The following FOXP1 variants were observed in gnomAD, a reference collection of about 807,000 sequenced individuals.
The protein encoded by FOXP1 is forkhead box protein P1.
In FOXP1, 15 loss-of-function variants were observed where a neutral mutation model predicts 98.2. The observed-to-expected ratio is 0.15, with a 90% CI of 0.10 to 0.24. The LOEUF (loss-of-function observed/expected upper bound fraction) is 0.24. Among genes scored for constraint, FOXP1 ranks in the 10% least tolerant of loss-of-function variants. FOXP1 has a pLI of 1.00. For missense variants in FOXP1, 633 were observed against 848.5 expected, an observed-to-expected ratio of 0.75 and a Z score of 3.15; for synonymous variants, 371 against 314.5, an observed-to-expected ratio of 1.18 and a Z score of -1.90.
intron 12 of FOXP1, among the ~76,000 whole-genome samples, chr3:71,012,284 G>A (rs961130988): frequency 6.6e-6 from 1 of 152,096 alleles, no homozygotes; most frequent in African/African-American, 2.4e-5. Flanking sequence ...AAGTGGCTCT[G>A]CCAAGTTCTT....
intron 5 of FOXP1, among the ~76,000 whole-genome samples, chr3:71,281,221 C>G (rs1282422850): frequency 2.8e-5 from 4 of 143,264 alleles, no homozygotes; most frequent in Non-Finnish European, 4.5e-5. Flanking sequence ...CAGTCAGACC[C>G]CATCTCAAGA....
intron 3 of FOXP1, among the ~76,000 whole-genome samples, chr3:71,472,634 G>T (rs1577700342): frequency 6.6e-6 from 1 of 152,022 alleles, no homozygotes; most frequent in Non-Finnish European, 1.5e-5. Flanking sequence ...GGAAACCCCA[G>T]TCCAGAAAAC....
In FOXP1 at chr3:71,198,168, C is replaced by CGAG. The variant is rs780784940; in HGVS notation, c.180+33_180+34insCTC. The CGAG allele has an allele frequency of 1.9e-6, 3 of 1,613,852 alleles. No individual in the cohort carries two copies. In the African/African-American group the frequency reaches 4.0e-5, roughly 22 times the overall value. On this transcript the variant is annotated intron_variant, in intron 6 of 20. Transcript: ENST00000649528. ...ATTCAGCAGTAAAATTCGCACCCAC[C>CGAG]ACCTCCACCTCCCAAGACTCCAAAG...
At chr3:71,562,632 T>C (rs1340057526) in intron 2 of FOXP1, among the ~76,000 whole-genome samples, 1 of 152,146 alleles carries the variant, frequency 6.6e-6, no homozygotes, top group African/African-American at 2.4e-5. Flanking sequence ...CAGGTACCTA[T>C]TATCAACAAC....
At chr3:71,564,252 T>A (rs961466817) in intron 2 of FOXP1, among the ~76,000 whole-genome samples, 1 of 152,248 alleles carries the variant, frequency 6.6e-6, no homozygotes, top group African/African-American at 2.4e-5. Context: ...TCGTAATCTT[T>A]GCAAAGTTCT....
At position 71,126,220 on chromosome 3, in the gene FOXP1, C is replaced by T. The variant is rs538866042; in HGVS notation, c.181-13583G>A. On this transcript the variant is annotated intron_variant, in intron 6 of 20. Transcript: ENST00000649528. ...AAATTTTTGGCCGGGCGTGGTGGCT[C>T]ACACCTGTAATCCCAGCAATTTGGG... is the stretch of plus-strand genomic sequence containing the variant. Among the ~76,000 whole-genome samples, 5 of 152,146 alleles carry T rather than the reference C, an allele frequency of 3.3e-5. No individual in the cohort carries two copies. In the East Asian group the frequency reaches 9.7e-4, roughly 29 times the overall value.
chr3:71,564,426 G>A (rs1422953290), intron 2 of FOXP1, among the ~76,000 whole-genome samples: 1 of 152,218 alleles, frequency 6.6e-6, no homozygotes, highest in African/African-American at 2.4e-5. Flanking sequence ...AATTGATGAG[G>A]TAAGTTCTTT....
intron 5 of FOXP1, among the ~76,000 whole-genome samples, chr3:71,221,963 G>A (rs1274794853): frequency 2.6e-5 from 4 of 152,118 alleles, no homozygotes; most frequent in South Asian, 2.1e-4. Context: ...GACCATCCTG[G>A]CCAACACGGT....
chr3:71,305,612 G>C (rs2074216621), intron 4 of FOXP1: 1 of 152,150 alleles, frequency 6.6e-6, no homozygotes, highest in Non-Finnish European at 1.5e-5. Context: ...AACAGGATTT[G>C]TTAGGACAAA....
intron 3 of FOXP1, among the ~76,000 whole-genome samples, chr3:71,461,998 A>G (rs779337825): frequency 2.0e-4 from 30 of 152,170 alleles, no homozygotes; most frequent in Non-Finnish European, 1.5e-5. Context: ...AATCAAGGAT[A>G]CCTGAATGCT....
rs573135769 is a variant in FOXP1, at chr3:71,137,046, G to A, written c.181-24409C>T. Among the ~76,000 whole-genome samples the A allele has an allele frequency of 7.9e-5, 12 of 152,294 alleles. No individual in the cohort carries two copies. The South Asian group carries it at 2.3e-3, about 29-fold the overall frequency. On this transcript the variant is annotated intron_variant, in intron 6 of 20. Coordinates refer to ENST00000649528, the MANE Select transcript of FOXP1 (RefSeq NM_001349338.3). ...TGTCTTCCATTAGCATTAGCAGGAT[G>A]AGGGCAATTTATCCTTTGGCAGGGA...
intron 2 of FOXP1, among the ~76,000 whole-genome samples, chr3:71,516,917 T>C (rs1227749569): frequency 5.3e-5 from 8 of 152,152 alleles, no homozygotes; most frequent in Admixed American, 4.6e-4. Context: ...ACATACGCCA[T>C]ATATGAAGCA....
At chr3:71,566,560 T>C (rs756708354) in intron 2 of FOXP1, among the ~76,000 whole-genome samples, 6 of 152,272 alleles carry the variant, frequency 3.9e-5, no homozygotes, top group Middle Eastern at 6.8e-3. Context: ...CAACGGGCAA[T>C]TTGGAAAATA....
intron 10 of FOXP1, among the ~76,000 whole-genome samples, chr3:71,044,871 G>GT (rs1480676011): frequency 1.3e-5 from 2 of 151,990 alleles, no homozygotes; most frequent in Non-Finnish European, 2.9e-5. Flanking sequence ...TTTTGTCCTT[G>GT]TACATCCATA....
Position 71,053,524 on chromosome 3 carries a change from T to C in FOXP1, c.420+112A>G, listed in dbSNP as rs909515490. ...GTGTCCTGCCCCACCCACGCTGCTT[T>C]ACTCTTCACTGAGCAAAGGAGCTGC... On this transcript the variant is annotated intron_variant, in intron 8 of 20. Coordinates refer to ENST00000649528, the MANE Select transcript of FOXP1 (RefSeq NM_001349338.3). The C allele has an allele frequency of 1.2e-5, 16 of 1,358,812 alleles. No homozygotes were observed. The African/African-American group carries it at 2.3e-4, about 19-fold the overall frequency. 84.2% of individuals were successfully genotyped at this position (1,358,812 alleles called of 1,614,324 possible). A position where few individuals can be genotyped will look rare whatever the true frequency, so the allele number is the denominator to read the frequency against.
At chr3:71,413,292 C>CACACACACACACACA (rs1364185381) in intron 3 of FOXP1, among the ~76,000 whole-genome samples, 163 of 89,210 alleles carry the variant, frequency 1.8e-3, no homozygotes, top group African/African-American at 4.7e-3. Flanking sequence ...ACACACACAC[C>CACACACACACACACA]CAAAACAGCC....
At chr3:70,989,310 T>G (rs1308549532) in intron 13 of FOXP1, among the ~76,000 whole-genome samples, 1 of 151,946 alleles carries the variant, frequency 6.6e-6, no homozygotes, top group Non-Finnish European at 1.5e-5. Context: ...GATTTTTTTT[T>G]TCTTTTTATT....
intron 3 of FOXP1, among the ~76,000 whole-genome samples, chr3:71,436,741 C>G (rs569847576): frequency 4.6e-5 from 7 of 151,914 alleles, no homozygotes; most frequent in Non-Finnish European, 1.0e-4. Context: ...GAGAATACAC[C>G]AAAATACCTG....
At chr3:71,529,566 T>A (rs1408433135) in intron 2 of FOXP1, among the ~76,000 whole-genome samples, 1 of 152,184 alleles carries the variant, frequency 6.6e-6, no homozygotes, top group African/African-American at 2.4e-5. Context: ...AGCTCCAGCC[T>A]CTGACCTCCA....
Sources: gnomAD v4.1 joint callset for allele counts (sites outside exome capture counted in the v4.1 genomes callset) on GRCh38, gnomAD v4.1.1 for gene constraint, MANE v1.5 for transcripts, NCBI Gene and HGNC (gene_info 2026-07-23, HGNC 2026-07-21) for gene names.